Variants in MYO3A observed in about 807,000 individuals in gnomAD.
MYO3A encodes myosin IIIA.
Under a neutral mutation model 192.7 loss-of-function variants are expected in MYO3A, and 180 were observed. The ratio of observed to expected loss-of-function variants is 0.93; its 90% CI spans 0.83 to 1.06. The LOEUF is 1.06. MYO3A is among the 50% of genes least tolerant of loss of function. MYO3A has a pLI of 0.00. For synonymous variants in MYO3A, 628 were observed against 645.3 expected (o/e 0.97, Z 0.41); for missense variants, 1,896 against 1,905.0 (o/e 1.00, Z 0.09).
intron 17 of MYO3A, among the ~76,000 whole-genome samples, chr10:26,115,723 A>G (rs1838462589): frequency 6.6e-6 from 1 of 152,176 alleles, no homozygotes; most frequent in South Asian, 2.1e-4. Flanking sequence ...AATGCTCCAA[A>G]TGATGGACAG....
chr10:26,143,609 T>C lies in MYO3A; in HGVS notation c.2416+8T>C. 6.2e-7 allele frequency: 1 copy of C among 1,613,798 alleles called. No homozygotes were observed. Among genetic ancestry groups the C allele is most frequent in the Non-Finnish European group, 8.5e-7 (1 of 1,179,750 alleles). ...CTGACCAGACTCTTGTAGGTGAGTT[T>C]TCAGTCCAGTGTGTCTGCATGGTTT... On this transcript the variant is annotated splice_region_variant and intron_variant, in intron 21 of 34. Transcript: ENST00000642920.
At chr10:25,957,362 C>G (rs759778853) in intron 4 of MYO3A, among the ~76,000 whole-genome samples, 2 of 152,202 alleles carry the variant, frequency 1.3e-5, no homozygotes, top group Non-Finnish European at 2.9e-5. Context: ...ATGTGACTTG[C>G]TCCCCATTGC....
chr10:25,998,941 A>G (rs1322358060), intron 6 of MYO3A, among the ~76,000 whole-genome samples: 1 of 152,162 alleles, frequency 6.6e-6, no homozygotes, highest in Non-Finnish European at 1.5e-5. Flanking sequence ...TCTGTCGCCC[A>G]GGCTGGAGTG....
chr10:26,007,400 G>A (rs867819266), intron 6 of MYO3A, among the ~76,000 whole-genome samples: 2 of 148,822 alleles, frequency 1.3e-5, no homozygotes, highest in African/African-American at 5.1e-5. Flanking sequence ...GGGAGGAGAA[G>A]GAAATAAAGG....
At chr10:25,974,043 T>C (rs981108667) in intron 4 of MYO3A, among the ~76,000 whole-genome samples, 3 of 152,172 alleles carry the variant, frequency 2.0e-5, no homozygotes, top group African/African-American at 7.2e-5. Flanking sequence ...ACAGATTTCA[T>C]GATGAAAACA....
intron 10 of MYO3A, among the ~76,000 whole-genome samples, chr10:26,062,495 G>A (rs554532159): frequency 6.9e-5 from 4 of 58,130 alleles, no homozygotes; most frequent in East Asian, 7.1e-4. Flanking sequence ...CTGGCCTGGC[G>A]ACAGAGTGAG....
At chr10:26,029,615 T>C (rs776327880) in intron 10 of MYO3A, among the ~76,000 whole-genome samples, 67 of 152,328 alleles carry the variant, frequency 4.4e-4, no homozygotes, top group Middle Eastern at 3.4e-3. Context: ...ATTTCTTACT[T>C]GGTGAGTGGT....
chr10:26,037,321 T>G (rs1444306004), intron 10 of MYO3A, among the ~76,000 whole-genome samples: 1 of 152,218 alleles, frequency 6.6e-6, no homozygotes, highest in Non-Finnish European at 1.5e-5. Flanking sequence ...TTGAAGAGTT[T>G]GGGTTGAGAT....
rs1293130510 is a variant in MYO3A at position 26,088,325 on chromosome 10, A to AT, written c.1484dup (p.Thr496HisfsTer13). On this transcript the variant is annotated frameshift_variant, in exon 15 of 35. Coordinates refer to ENST00000642920, the MANE Select transcript of MYO3A (RefSeq NM_017433.5). LOFTEE classifies it high-confidence loss of function. ...GATTTGGAAAATACTTAGAAATGAAATTCACCTCTTCTGGAGCGGTAGTGG... is the reference window on the plus strand; with the variant it reads ...GATTTGGAAAATACTTAGAAATGAAATTTCACCTCTTCTGGAGCGGTAGTGG... The AT allele has an allele frequency of 2.1e-5, 34 of 1,613,980 alleles. No individual in the cohort carries two copies. Among genetic ancestry groups the AT allele is most frequent in the Non-Finnish European group, 2.9e-5 (34 of 1,179,914 alleles).
At chr10:26,073,822 G>T (rs762020227) in intron 14 of MYO3A, among the ~76,000 whole-genome samples, 27 of 152,030 alleles carry the variant, frequency 1.8e-4, no homozygotes, top group Admixed American at 1.1e-3. Flanking sequence ...GGAAATGGGG[G>T]TGGAGAGAGG....
intron 17 of MYO3A, among the ~76,000 whole-genome samples, chr10:26,101,493 G>T (rs545819593): frequency 6.6e-6 from 1 of 152,090 alleles, no homozygotes; most frequent in African/African-American, 2.4e-5. Flanking sequence ...TCCTAGCGTC[G>T]ATGGTCTTTA....
rs143890716 is a variant in MYO3A, at chr10:26,207,865, G to A, written c.4731-3978G>A. On this transcript the variant is annotated intron_variant, in intron 34 of 34. Transcript: ENST00000642920. ...TTGAATCTGTAGATTGCTGTGGGTA[G>A]TATGAGCATTTTACCAATATTAATT... Among the ~76,000 whole-genome samples the A allele has an allele frequency of 3.4e-4, 52 of 152,240 alleles. 2 individuals are homozygous for A. In the East Asian group the frequency reaches 5.8e-3, roughly 17 times the overall value.
intron 2 of MYO3A, among the ~76,000 whole-genome samples, chr10:25,940,946 C>T (rs1836451274): frequency 6.6e-6 from 1 of 152,116 alleles, no homozygotes; most frequent in East Asian, 1.9e-4. Flanking sequence ...TTGGAGTGTT[C>T]TACCTTTCAA....
At chr10:25,963,762 C>T (rs116467481) in intron 4 of MYO3A, among the ~76,000 whole-genome samples, 1,648 of 152,228 alleles carry the variant, frequency 0.011, 24 homozygotes, top group African/African-American at 0.036. Context: ...AGCCAATTAC[C>T]TAGAGTTGTT....
Position 26,211,888 on chromosome 10 carries a change from A to G in MYO3A, c.4776A>G (p.Pro1592=). The change falls in exon 35 of 35, where the codon CCA becomes CCG. Residue 1592 remains proline, a synonymous_variant. Coordinates refer to ENST00000642920, the MANE Select transcript of MYO3A (RefSeq NM_017433.5). The part of the protein sequence containing the change: ...ESPEKEEERE[P]AANPYDFRRL... Reference sequence around the variant, plus strand: ...CCGAGAAGGAGGAGGAGAGAGAGCCAGCAGCCAACCCCTACGACTTCAGGA... The same window carrying G: ...CCGAGAAGGAGGAGGAGAGAGAGCCGGCAGCCAACCCCTACGACTTCAGGA... 6.2e-7 allele frequency: 1 copy of G among 1,614,030 alleles called. No homozygotes were observed. Among genetic ancestry groups the G allele is most frequent in the Non-Finnish European group, 8.5e-7 (1 of 1,179,988 alleles).
intron 4 of MYO3A, among the ~76,000 whole-genome samples, chr10:25,990,530 CT>C (rs201700218): frequency 0.096 from 14,409 of 150,706 alleles, 1,223 homozygotes; most frequent in African/African-American, 0.22. Flanking sequence ...TTTTATTATA[CT>C]TTTAAGTTCT....
chr10:26,094,914 A>T (rs552242985), intron 15 of MYO3A, among the ~76,000 whole-genome samples: 1 of 152,336 alleles, frequency 6.6e-6, no homozygotes, highest in South Asian at 2.1e-4. Context: ...TCATATGGAA[A>T]AGAATTCAAA....
At chr10:26,106,080 T>C (rs1837781081) in intron 17 of MYO3A, among the ~76,000 whole-genome samples, 1 of 152,112 alleles carries the variant, frequency 6.6e-6, no homozygotes, top group South Asian at 2.1e-4. Flanking sequence ...GCTTTCTTCT[T>C]TTCCATATTT....
intron 27 of MYO3A, among the ~76,000 whole-genome samples, chr10:26,167,555 G>A (rs1268546242): frequency 3.3e-5 from 5 of 152,082 alleles, no homozygotes; most frequent in Non-Finnish European, 5.9e-5. Context: ...TATTTAAGTA[G>A]CATTTTAAAG....
Sources: gnomAD v4.1 joint callset for allele counts (sites outside exome capture counted in the v4.1 genomes callset) on GRCh38, gnomAD v4.1.1 for gene constraint, MANE v1.5 for transcripts, NCBI Gene and HGNC (gene_info 2026-07-23, HGNC 2026-07-21) for gene names.